The following GTF2F2 variants were observed in gnomAD, a reference collection of about 807,000 sequenced individuals.
GTF2F2 encodes the protein general transcription factor IIF subunit 2, also known as ATP-dependent helicase GTF2F2.
GTF2F2 carries 23 observed loss-of-function variants against 42.2 expected under a neutral mutation model. The ratio of observed to expected loss-of-function variants is 0.55; its 90% CI spans 0.39 to 0.77. The LOEUF is 0.77. Ranked by LOEUF, GTF2F2 falls within the 30% of genes least tolerant of loss-of-function variation. The pLI, the probability that GTF2F2 is intolerant of heterozygous loss-of-function variation, is 0.00. For missense variants in GTF2F2, 261 were observed against 287.2 expected (o/e 0.91, Z 0.66); for synonymous variants, 105 against 100.8 (o/e 1.04, Z -0.25).
intron 5 of GTF2F2, among the ~76,000 whole-genome samples, chr13:45,229,239 T>C (rs570250683): frequency 1.3e-5 from 2 of 152,262 alleles, no homozygotes; most frequent in Non-Finnish European, 2.9e-5. Context: ...TGTCTCTTCT[T>C]GAGCTTCTGT....
At chr13:45,280,395 C>T (rs528899668) in intron 7 of GTF2F2, among the ~76,000 whole-genome samples, 3 of 152,304 alleles carry the variant, frequency 2.0e-5, no homozygotes, top group Non-Finnish European at 4.4e-5. Context: ...TTGTTTTTCC[C>T]TATCGTCACT....
Position 45,151,794 on chromosome 13 carries a change from A to G in GTF2F2, c.267A>G (p.Gly89=). 1 of 1,576,744 alleles carries G rather than the reference A, an allele frequency of 6.3e-7. No individual in the cohort carries two copies. Among genetic ancestry groups the G allele is most frequent in the South Asian group, 1.1e-5 (1 of 87,544 alleles). The change falls in exon 4 of 8, where the codon GGA becomes GGG. Residue 89 remains glycine (G), a synonymous_variant. Transcript: ENST00000340473. ...ATCCATTTGTCTTGCAAAGTGTTGGAGGACAGACATTAACAGTATTTACTG... is the reference window on the plus strand; with the variant it reads ...ATCCATTTGTCTTGCAAAGTGTTGGGGGACAGACATTAACAGTATTTACTG... ...REHPFVLQSV[G]GQTLTVFTES...
chr13:45,261,943 A>G (rs917214007), intron 6 of GTF2F2, among the ~76,000 whole-genome samples: 6 of 152,316 alleles, frequency 3.9e-5, no homozygotes, highest in Non-Finnish European at 7.4e-5. Context: ...TGTCCTAACT[A>G]TAAGTTATTA....
intron 7 of GTF2F2, among the ~76,000 whole-genome samples, chr13:45,271,486 G>T (rs925085740): frequency 6.6e-6 from 1 of 151,540 alleles, no homozygotes; most frequent in African/African-American, 2.4e-5. Flanking sequence ...TAGTTCAAGC[G>T]ATTCTTCTGC....
chr13:45,157,277 G>A (rs568948779), intron 4 of GTF2F2, among the ~76,000 whole-genome samples: 3 of 152,302 alleles, frequency 2.0e-5, no homozygotes, highest in South Asian at 4.1e-4. Flanking sequence ...GGGAAGAGTA[G>A]TGGGCTAATT....
intron 1 of GTF2F2, among the ~76,000 whole-genome samples, chr13:45,131,410 T>G (rs1241560547): frequency 6.6e-6 from 1 of 152,068 alleles, no homozygotes. Flanking sequence ...AAGGAAATAA[T>G]TAGCTCTCAG....
intron 4 of GTF2F2, among the ~76,000 whole-genome samples, chr13:45,203,227 C>G (rs948553256): frequency 1.3e-5 from 2 of 151,410 alleles, no homozygotes; most frequent in African/African-American, 4.9e-5. Context: ...CAGGCATGCA[C>G]CACCACGCCC....
chr13:45,169,443 A>G (rs1483936578), intron 4 of GTF2F2, among the ~76,000 whole-genome samples: 4 of 152,150 alleles, frequency 2.6e-5, no homozygotes, highest in African/African-American at 7.2e-5. Context: ...TTCAGCCCCC[A>G]GTACTATGAG....
chr13:45,151,191 A>G (rs1870474066), intron 3 of GTF2F2, among the ~76,000 whole-genome samples: 1 of 151,898 alleles, frequency 6.6e-6, no homozygotes, highest in Non-Finnish European at 1.5e-5. Flanking sequence ...GTGTCTACCC[A>G]ATGTTTAGTT....
intron 1 of GTF2F2, among the ~76,000 whole-genome samples, chr13:45,123,791 ATTTTTT>A (rs201828514): frequency 2.9e-5 from 4 of 136,058 alleles, no homozygotes; most frequent in Non-Finnish European, 4.8e-5. Flanking sequence ...GGAATTTTGA[ATTTTTT>A]TTTTTTTTTT....
intron 6 of GTF2F2, among the ~76,000 whole-genome samples, chr13:45,261,449 A>C (rs1876342185): frequency 6.6e-6 from 1 of 150,974 alleles, no homozygotes; most frequent in Non-Finnish European, 1.5e-5. Flanking sequence ...AAAAAAGAAT[A>C]ATTTGTGTTC....
chr13:45,225,153 G>C (rs1490837450), intron 5 of GTF2F2, among the ~76,000 whole-genome samples: 1 of 152,160 alleles, frequency 6.6e-6, no homozygotes, highest in Non-Finnish European at 1.5e-5. Flanking sequence ...TCCGATGTAG[G>C]TGGTCCTTAG....
At chr13:45,138,260 G>A (rs1233261547) in intron 2 of GTF2F2, among the ~76,000 whole-genome samples, 1 of 151,884 alleles carries the variant, frequency 6.6e-6, no homozygotes, top group Admixed American at 6.6e-5. Flanking sequence ...TTCTCATTTG[G>A]TCTCATGGCT....
chr13:45,194,681 G>A, intron 4 of GTF2F2: 3 of 971,770 alleles, frequency 3.1e-6, no homozygotes, highest in Non-Finnish European at 4.7e-6. Context: ...GAATGGAAAC[G>A]CTGGCAGCAT....
At chr13:45,200,180 T>G (rs1034719264) in intron 4 of GTF2F2, among the ~76,000 whole-genome samples, 1 of 152,142 alleles carries the variant, frequency 6.6e-6, no homozygotes, top group African/African-American at 2.4e-5. Context: ...CTGTGAGCTA[T>G]TCCCTCCGTA....
intron 5 of GTF2F2, among the ~76,000 whole-genome samples, chr13:45,234,598 A>T (rs1288526393): frequency 6.6e-6 from 1 of 152,244 alleles, no homozygotes; most frequent in Non-Finnish European, 1.5e-5. Flanking sequence ...TAAAATGATT[A>T]TTAAGTTCTT....
intron 5 of GTF2F2, among the ~76,000 whole-genome samples, chr13:45,212,388 T>G (rs560039284): frequency 1.4e-4 from 21 of 152,328 alleles, no homozygotes; most frequent in African/African-American, 4.6e-4. Context: ...TATTATGCCT[T>G]TGCTACTTAA....
chr13:45,242,217 TTCTG>T (rs1875349060), intron 5 of GTF2F2, among the ~76,000 whole-genome samples: 1 of 151,564 alleles, frequency 6.6e-6, no homozygotes, highest in Non-Finnish European at 1.5e-5. Flanking sequence ...TCTCCTGGCC[TTCTG>T]TCTGCCTTCC....
At chr13:45,214,242 G>A (rs1873804407) in intron 5 of GTF2F2, among the ~76,000 whole-genome samples, 1 of 152,140 alleles carries the variant, frequency 6.6e-6, no homozygotes, top group Non-Finnish European at 1.5e-5. Context: ...TTAGCCAGAT[G>A]TTATGAGAAT....
Sources: allele counts gnomAD v4.1 joint callset (sites outside exome capture counted in the v4.1 genomes callset), GRCh38; gene constraint gnomAD v4.1.1; transcripts MANE v1.5; gene names NCBI Gene and HGNC (gene_info 2026-07-23, HGNC 2026-07-21).